Variants in CYP4B1 observed in about 807,000 individuals in gnomAD.
CYP4B1 encodes the protein cytochrome P450 4B1.
A neutral mutation model predicts 54.0 loss-of-function variants in CYP4B1; 45 were observed. The observed-to-expected ratio is 0.83, with a 90% CI of 0.66 to 1.07. The LOEUF is 1.07. CYP4B1 is among the 50% of genes least tolerant of loss of function. The pLI is 0.00. For synonymous variants in CYP4B1, 248 were observed against 247.5 expected, an observed-to-expected ratio of 1.00 and a Z score of -0.02; for missense variants, 656 against 655.4, an observed-to-expected ratio of 1.00 and a Z score of -0.01.
At chr1:46,805,170 A>G (rs943217557) in intron 1 of CYP4B1, among the ~76,000 whole-genome samples, 3 of 152,210 alleles carry the variant, frequency 2.0e-5, no homozygotes, top group African/African-American at 7.2e-5. Flanking sequence ...AGATGACTGC[A>G]TCCCCTTGGA....
At chr1:46,806,170 T>C (rs537502998) in intron 1 of CYP4B1, among the ~76,000 whole-genome samples, 3 of 152,340 alleles carry the variant, frequency 2.0e-5, no homozygotes, top group Admixed American at 6.5e-5. Flanking sequence ...GGATTCTTAC[T>C]GGGTGAAGGT....
Position 46,812,499 on chromosome 1 carries a change from G to C in CYP4B1, c.371G>C (p.Arg124Thr), listed in dbSNP as rs754146563. The C allele has an allele frequency of 1.9e-6, 3 of 1,612,514 alleles. No individual in the cohort carries two copies. The highest frequency in any genetic ancestry group is 2.5e-6 in the Non-Finnish European group (3 of 1,179,314). The change falls in exon 4 of 12, where the codon AGA (arginine) becomes ACA (threonine). Residue 124 changes from arginine (R) to threonine (T), a missense_variant. Physicochemically the swap from Arg to Thr is moderately conservative, Grantham distance 71. Coordinates refer to ENST00000371923, the MANE Select transcript of CYP4B1 (RefSeq NM_001099772.2). Reference protein sequence around the residue: ...VYDFFLQWIGRGLLVLEGPKW... With the variant: ...VYDFFLQWIGTGLLVLEGPKW... ...CTCTCTCCCATCCCTTCCCCAGGGA[G>C]AGGCCTGCTGGTTCTTGAGGGGCCC...
chr1:46,808,092 G>C (rs1217010618), intron 1 of CYP4B1, among the ~76,000 whole-genome samples: 3 of 152,100 alleles, frequency 2.0e-5, no homozygotes, highest in Non-Finnish European at 4.4e-5. Context: ...TCATGAGGAA[G>C]AGCAGACATC....
chr1:46,805,841 G>A (rs987563892), intron 1 of CYP4B1, among the ~76,000 whole-genome samples: 4 of 152,164 alleles, frequency 2.6e-5, no homozygotes, highest in African/African-American at 9.7e-5. Context: ...ATGGAGCTCT[G>A]GTAATTTTGG....
At chr1:46,818,069 G>A (rs765344321) in intron 10 of CYP4B1, 40 bp downstream of exon 10, 1 of 1,613,500 alleles carries the variant, frequency 6.2e-7, no homozygotes. Context: ...CAGGGTGGGG[G>A]ACTGGGAGGG....
intron 1 of CYP4B1, among the ~76,000 whole-genome samples, chr1:46,803,219 G>C (rs922866836): frequency 6.6e-6 from 1 of 152,200 alleles, no homozygotes; most frequent in Non-Finnish European, 1.5e-5. Context: ...TCAAGGTGGC[G>C]AACAGATTGA....
chr1:46,818,555 T>C, intron 11 of CYP4B1, 76 bp from the exon 12 acceptor site: 1 of 1,451,242 alleles, frequency 6.9e-7, no homozygotes, highest in South Asian at 1.2e-5. Flanking sequence ...TTGACTTTTG[T>C]TGGCTGCTAA....
At chr1:46,810,669 AGGAGAAGAGGG>A in intron 1 of CYP4B1, 128 bp from the exon 2 acceptor site, 1 of 789,308 alleles carries the variant, frequency 1.3e-6, no homozygotes, top group Non-Finnish European at 2.1e-6. Flanking sequence ...AGGGATGTTT[AGGAGAAGAGGG>A]TGCAGGAGAG....
In CYP4B1 at chr1:46,818,102, G is replaced by A. The variant is rs998596745; in HGVS notation, c.1273-29G>A. On this transcript the variant is annotated intron_variant, in intron 10 of 11. Coordinates refer to ENST00000371923, the MANE Select transcript of CYP4B1 (RefSeq NM_001099772.2). ...GGGTCACCCTCTGCCAGAACCTGGC[G>A]AGTGTTTAAGCAAGGCCTGTCCCTT... 9.9e-6 allele frequency: 16 copies of A among 1,613,728 alleles called. No homozygotes were observed. In the African/African-American group the frequency reaches 1.2e-4, roughly 12 times the overall value.
rs1411420196 is a variant in CYP4B1 at position 46,811,152 on chromosome 1, C to T, written c.335C>T (p.Pro112Leu). Residue 112 changes from proline (P) to leucine (L), a missense_variant, in exon 3 of 12, where the codon CCT becomes CTT. Transcript: ENST00000371923. The part of the protein sequence containing the change: ...AVYSRGDPKA[P>L]DVYDFFLQWI... ...TCTCCTCCTGCAGACCCTAAGGCCC[C>T]TGATGTGTATGACTTCTTCCTCCAG... The T allele has an allele frequency of 1.9e-6, 3 of 1,614,174 alleles. No homozygotes were observed. The African/African-American group carries it at 4.0e-5, about 22-fold the overall frequency.
intron 1 of CYP4B1, among the ~76,000 whole-genome samples, chr1:46,805,880 G>C (rs1264536219): frequency 6.6e-6 from 1 of 152,168 alleles, no homozygotes; most frequent in Non-Finnish European, 1.5e-5. Context: ...ATAGTAGGGA[G>C]ACAGCTGAGA....
At chr1:46,815,915 C>T (rs909035372) in intron 8 of CYP4B1, among the ~76,000 whole-genome samples, 7 of 152,132 alleles carry the variant, frequency 4.6e-5, no homozygotes, top group Non-Finnish European at 1.0e-4. Context: ...GGTCAGACAA[C>T]CTGCCTTTCT....
intron 4 of CYP4B1, 37 bp downstream of exon 4, chr1:46,812,660 C>G: frequency 6.2e-7 from 1 of 1,602,784 alleles, no homozygotes; most frequent in Non-Finnish European, 8.5e-7. Context: ...AGGCTGTTGC[C>G]TGCTGGGCTA....
At chr1:46,806,827 C>T (rs1296620265) in intron 1 of CYP4B1, 1 of 152,204 alleles carries the variant, frequency 6.6e-6, no homozygotes, top group East Asian at 1.9e-4. Context: ...AAAAACAAGC[C>T]GTCCCAGAAC....
chr1:46,809,412 GAT>G (rs1297382213), intron 1 of CYP4B1, among the ~76,000 whole-genome samples: 2 of 152,166 alleles, frequency 1.3e-5, no homozygotes, highest in African/African-American at 2.4e-5. Context: ...AATTTGTTTG[GAT>G]ACTATCAGTG....
intron 1 of CYP4B1, among the ~76,000 whole-genome samples, chr1:46,799,640 C>T (rs939581274): frequency 6.6e-6 from 1 of 152,144 alleles, no homozygotes; most frequent in African/African-American, 2.4e-5. Context: ...AATCAGCGTC[C>T]GTGTTGTTGT....
rs767865661 is a variant in CYP4B1 at position 46,818,677 on chromosome 1, A to G, written c.1402A>G (p.Thr468Ala). Residue 468 changes from threonine (T) to alanine (A), a missense_variant, in exon 12 of 12, where the codon ACA becomes GCA. Coordinates refer to ENST00000371923, the MANE Select transcript of CYP4B1 (RefSeq NM_001099772.2). Reference protein sequence around the residue: ...QFAMSEMKVVTAMCLLRFEFS... With the variant: ...QFAMSEMKVVAAMCLLRFEFS... ...TGCCATGAGTGAGATGAAGGTGGTC[A>G]CAGCCATGTGCTTGCTCCGCTTTGA... The G allele has an allele frequency of 2.0e-5, 32 of 1,614,110 alleles. No individual in the cohort carries two copies. The highest frequency in any genetic ancestry group is 2.7e-5 in the Non-Finnish European group (32 of 1,180,034).
rs1373849017 is a variant in CYP4B1, at chr1:46,818,021, G to A, written c.1264G>A (p.Asp422Asn). Residue 422 changes from aspartate to asparagine, a missense_variant, in exon 10 of 12, where the codon GAC becomes AAC. Asp to Asn is a conservative substitution (Grantham distance 23). Transcript: ENST00000371923. ...ALHRNSAVWP[D>N]PEVFDSLRFS... ...CCATAGGAACAGTGCTGTATGGCCC[G>A]ACCCTGAGGTACCCTTTCCCTGGGC... The A allele has an allele frequency of 5.0e-6, 8 of 1,613,990 alleles. No homozygotes were observed. The highest frequency in any genetic ancestry group is 1.6e-4 in the Middle Eastern group (1 of 6,084).
rs1569904538 is a variant in CYP4B1 at position 46,814,297 on chromosome 1, C to T, written c.864C>T (p.Asp288=). Residue 288 remains aspartate, a synonymous_variant, in exon 7 of 12, where the codon GAC becomes GAT. Transcript: ENST00000371923. ...IQNRRHLDFL[D]ILLGARDEDD... ...ACCGGAGGCACCTGGACTTCCTGGA[C>T]ATTCTCCTGGGTGCCCGGGTGAGTA... The T allele has an allele frequency of 6.2e-7, 1 of 1,613,836 alleles. No homozygotes were observed. Among genetic ancestry groups the T allele is most frequent in the Non-Finnish European group, 8.5e-7 (1 of 1,179,836 alleles).
Sources: gnomAD v4.1 joint callset for allele counts (sites outside exome capture counted in the v4.1 genomes callset) on GRCh38, gnomAD v4.1.1 for gene constraint, MANE v1.5 for transcripts, NCBI Gene and HGNC (gene_info 2026-07-23, HGNC 2026-07-21) for gene names.